The following GALNTL6 variants were observed in gnomAD, a reference collection of about 807,000 sequenced individuals.
GALNTL6 encodes the protein polypeptide N-acetylgalactosaminyltransferase like 6.
In GALNTL6, 46 loss-of-function variants were observed where a neutral mutation model predicts 73.7. The ratio of observed to expected loss-of-function variants is 0.62; its 90% CI spans 0.49 to 0.80. GALNTL6 has a LOEUF of 0.80. Among genes scored for constraint, GALNTL6 ranks in the 30% least tolerant of loss-of-function variants. GALNTL6 has a pLI of 0.00. For synonymous variants in GALNTL6, 259 were observed against 263.7 expected (o/e 0.98, Z 0.17); for missense variants, 604 against 755.0 (o/e 0.80, Z 2.34).
In GALNTL6 at chr4:172,189,832, A is replaced by G. The variant is rs140196750; in HGVS notation, c.139-39824A>G. Among the ~76,000 whole-genome samples, 875 of 151,860 alleles carry G rather than the reference A, an allele frequency of 5.8e-3. 7 individuals are homozygous for G. The highest frequency in any genetic ancestry group is 0.02 in the African/African-American group (818 of 41,494). Reference sequence around the variant, plus strand: ...TTACAATGATAATAATAATGATGATAATAATAATAATAATACCTCTTAGAT... The same window carrying G: ...TTACAATGATAATAATAATGATGATGATAATAATAATAATACCTCTTAGAT... On this transcript the variant is annotated intron_variant, in intron 2 of 12. Transcript: ENST00000506823.
chr4:172,723,077 C>T (rs1735580417), intron 5 of GALNTL6, among the ~76,000 whole-genome samples: 1 of 152,116 alleles, frequency 6.6e-6, no homozygotes, highest in Admixed American at 6.6e-5. Flanking sequence ...TCATGTATAT[C>T]AGCCTCCATT....
chr4:172,998,482 A>T (rs571865051), intron 10 of GALNTL6, among the ~76,000 whole-genome samples: 4 of 152,156 alleles, frequency 2.6e-5, no homozygotes, highest in Non-Finnish European at 5.9e-5. Context: ...TCTCCTGTAT[A>T]TATCATTCCC....
intron 5 of GALNTL6, among the ~76,000 whole-genome samples, chr4:172,437,342 G>A (rs1731671712): frequency 2.0e-5 from 3 of 152,020 alleles, no homozygotes; most frequent in African/African-American, 7.2e-5. Flanking sequence ...TGCTCTGGGT[G>A]GGAGTTCACC....
At chr4:172,361,579 T>C (rs1270510928) in intron 5 of GALNTL6, among the ~76,000 whole-genome samples, 1 of 152,106 alleles carries the variant, frequency 6.6e-6, no homozygotes, top group East Asian at 1.9e-4. Flanking sequence ...CCCAGGATAA[T>C]AAGCTTTTTC....
At chr4:172,546,246 T>C (rs1275515667) in intron 5 of GALNTL6, among the ~76,000 whole-genome samples, 1 of 152,092 alleles carries the variant, frequency 6.6e-6, no homozygotes, top group Non-Finnish European at 1.5e-5. Flanking sequence ...CAGAGCTGTG[T>C]TTTACCAGAG....
intron 7 of GALNTL6, among the ~76,000 whole-genome samples, chr4:172,870,646 C>T (rs1385521159): frequency 2.0e-5 from 3 of 152,176 alleles, no homozygotes; most frequent in African/African-American, 7.2e-5. Context: ...CAACAGGTTA[C>T]AGGGCAGTGT....
At chr4:172,011,504 G>A (rs969026155) in intron 2 of GALNTL6, among the ~76,000 whole-genome samples, 3 of 152,076 alleles carry the variant, frequency 2.0e-5, no homozygotes, top group African/African-American at 7.2e-5. Context: ...TAATCCTTAA[G>A]AATAGGCATT....
intron 5 of GALNTL6, chr4:172,666,692 GT>G (rs1355846248): frequency 6.6e-6 from 1 of 152,078 alleles, no homozygotes; most frequent in African/African-American, 2.4e-5. Context: ...TGAGAACCTA[GT>G]TTACTATGGC....
In GALNTL6 at chr4:171,847,665, A is replaced by G. The variant is rs143823243; in HGVS notation, c.138+32947A>G. ...TAAATCCTTTGCTGATATTTCAACAATGTTCACACCCTTACCAGGAGTAGA... is the reference window on the plus strand; with the variant it reads ...TAAATCCTTTGCTGATATTTCAACAGTGTTCACACCCTTACCAGGAGTAGA... On this transcript the variant is annotated intron_variant, in intron 2 of 12. Coordinates refer to ENST00000506823, the MANE Select transcript of GALNTL6 (RefSeq NM_001034845.3). Among the ~76,000 whole-genome samples, 649 of 152,264 alleles carry G rather than the reference A, an allele frequency of 4.3e-3. 6 individuals are homozygous for G. The highest frequency in any genetic ancestry group is 0.015 in the African/African-American group (622 of 41,548).
chr4:172,645,701 T>C (rs747528953), intron 5 of GALNTL6, among the ~76,000 whole-genome samples: 7 of 151,978 alleles, frequency 4.6e-5, no homozygotes, highest in Non-Finnish European at 7.4e-5. Context: ...GAATTCTTAA[T>C]AAGAAAATGA....
rs372302709 is a variant in GALNTL6, at chr4:172,468,892, C to T, written c.553+120203C>T. Among the ~76,000 whole-genome samples the T allele has an allele frequency of 2.0e-5, 3 of 152,208 alleles. No individual in the cohort carries two copies. In the East Asian group the frequency reaches 5.8e-4, roughly 29 times the overall value. ...ATATTAGAGTTACAACTCTACAAAC[C>T]TATTCTTCCTTTTCAGCTGGCTTCG... On this transcript the variant is annotated intron_variant, in intron 5 of 12. Coordinates refer to ENST00000506823, the MANE Select transcript of GALNTL6 (RefSeq NM_001034845.3).
intron 5 of GALNTL6, among the ~76,000 whole-genome samples, chr4:172,589,105 G>A (rs887755346): frequency 1.3e-5 from 2 of 152,040 alleles, no homozygotes; most frequent in African/African-American, 4.8e-5. Context: ...AATATGTATG[G>A]AACATCAGTT....
intron 7 of GALNTL6, among the ~76,000 whole-genome samples, chr4:172,861,027 C>T (rs151086158): frequency 1.4e-4 from 21 of 152,316 alleles, no homozygotes; most frequent in African/African-American, 4.8e-4. Context: ...AAACAATCTA[C>T]AGCTCAAGGC....
intron 2 of GALNTL6, among the ~76,000 whole-genome samples, chr4:171,857,270 A>G (rs1735717681): frequency 6.6e-6 from 1 of 152,178 alleles, no homozygotes; most frequent in Non-Finnish European, 1.5e-5. Context: ...TATTTAAAAA[A>G]AAAGAAGTAT....
intron 2 of GALNTL6, among the ~76,000 whole-genome samples, chr4:171,968,182 A>G (rs181513636): frequency 1.2e-3 from 187 of 152,230 alleles, no homozygotes; most frequent in African/African-American, 4.3e-3. Flanking sequence ...CCTTGCCAAA[A>G]TACTTCAGCG....
intron 4 of GALNTL6, among the ~76,000 whole-genome samples, chr4:172,346,988 C>CTTTTTTTTTTTTTTTTTTTTTTTCT (rs34332250): frequency 8.7e-6 from 1 of 114,410 alleles, no homozygotes; most frequent in Non-Finnish European, 1.7e-5. Context: ...TGTTTTCTTT[C>CTTTTTTTTTTTTTTTTTTTTTTTCT]TTTTTTTTTT....
chr4:172,170,289 G>T (rs1399193258), intron 2 of GALNTL6, among the ~76,000 whole-genome samples: 2 of 152,146 alleles, frequency 1.3e-5, no homozygotes, highest in Non-Finnish European at 2.9e-5. Context: ...TCTCATGATA[G>T]TGAGTGAGTT....
chr4:172,634,286 G>A lies in GALNTL6; in HGVS notation c.554-175075G>A, dbSNP rs1177501862. Among the ~76,000 whole-genome samples, 6 of 152,180 alleles carry A rather than the reference G, an allele frequency of 3.9e-5. No individual in the cohort carries two copies. The East Asian group carries it at 1.2e-3, about 29-fold the overall frequency. On this transcript the variant is annotated intron_variant, in intron 5 of 12. Coordinates refer to ENST00000506823, the MANE Select transcript of GALNTL6 (RefSeq NM_001034845.3). ...CAGAGGTGACAAAAACAGTCTGCCTGCAAATGAAACATGGCTCAAAGACAT... is the reference window on the plus strand; with the variant it reads ...CAGAGGTGACAAAAACAGTCTGCCTACAAATGAAACATGGCTCAAAGACAT...
intron 2 of GALNTL6, among the ~76,000 whole-genome samples, chr4:172,121,283 G>A (rs1429599531): frequency 7.9e-5 from 12 of 151,676 alleles, no homozygotes; most frequent in African/African-American, 2.7e-4. Context: ...GTGTGTGTGT[G>A]TGTGTGTGTG....
Sources: gnomAD v4.1 joint callset for allele counts (sites outside exome capture counted in the v4.1 genomes callset) on GRCh38, gnomAD v4.1.1 for gene constraint, MANE v1.5 for transcripts, NCBI Gene and HGNC (gene_info 2026-07-23, HGNC 2026-07-21) for gene names.